Variants in SIDT1 observed in about 807,000 individuals in gnomAD.
SIDT1 encodes SID1 transmembrane family, member 1.
A neutral mutation model predicts 107.5 loss-of-function variants in SIDT1; 101 were observed. The observed-to-expected ratio is 0.94, with a 90% confidence interval of 0.80 to 1.11. The LOEUF is 1.11. SIDT1 is among the 50% of genes least tolerant of loss of function. The pLI is 0.00. For synonymous variants in SIDT1, 395 were observed against 398.2 expected (o/e 0.99, Z 0.10); for missense variants, 1,076 against 1,058.2 (o/e 1.02, Z -0.23).
At chr3:113,584,474 G>A (rs1943591295) in intron 7 of SIDT1, among the ~76,000 whole-genome samples, 2 of 152,192 alleles carry the variant, frequency 1.3e-5, no homozygotes. Flanking sequence ...ATGCACACAA[G>A]CAAAGGCCAA....
At chr3:113,597,267 C>G (rs910861049) in intron 10 of SIDT1, among the ~76,000 whole-genome samples, 2 of 151,978 alleles carry the variant, frequency 1.3e-5, no homozygotes, top group East Asian at 1.9e-4. Flanking sequence ...GAGGCCGAGG[C>G]GGGTGGATTG....
rs1937635474 is a variant in SIDT1 at position 113,533,037 on chromosome 3, C to T, written c.16C>T (p.Arg6Trp). 7.3e-7 allele frequency: 1 copy of T among 1,378,416 alleles called. No individual in the cohort carries two copies. The highest frequency in any genetic ancestry group is 9.4e-7 in the Non-Finnish European group (1 of 1,069,470). 85.4% of individuals were successfully genotyped at this position (1,378,416 alleles called of 1,614,324 possible). A position where few individuals can be genotyped will look rare whatever the true frequency, so the allele number is the denominator to read the frequency against. The change falls in exon 1 of 25, where the codon CGG (arginine) becomes TGG (tryptophan). Residue 6 changes from arginine to tryptophan, a missense_variant. Coordinates refer to ENST00000264852, the MANE Select transcript of SIDT1 (RefSeq NM_017699.3). ...GGTGCCCACCATGCGCGGCTGCCTG[C>T]GGCTCGCGCTGCTCTGCGCGCTGCC... Reference protein sequence around the residue: MRGCLRLALLCALPWL... With the variant: MRGCLWLALLCALPWL...
Position 113,532,973 on chromosome 3 carries a change from C to A in SIDT1, c.-49C>A. 8.1e-7 allele frequency: 1 copy of A among 1,240,922 alleles called. No homozygotes were observed. The highest frequency in any genetic ancestry group is 1.0e-6 in the Non-Finnish European group (1 of 968,206). The allele number at this position is 1,240,922 out of a possible 1,614,324, so 76.9% of individuals were successfully genotyped here. ...TTTGGAAGGACCCTCTCTGCGCTCG[C>A]CCCCTCCCCAGGGTGGCTCCGCTTT... On this transcript the variant is annotated 5_prime_UTR_variant, in exon 1 of 25. Transcript: ENST00000264852.
At chr3:113,576,811 C>G (rs1401251369) in intron 3 of SIDT1, 111 bp from the exon 4 acceptor site, 6 of 1,128,794 alleles carry the variant, frequency 5.3e-6, no homozygotes, top group Non-Finnish European at 8.0e-6. Context: ...GGGTGAAGCT[C>G]TCCTTGAGTC....
intron 3 of SIDT1, among the ~76,000 whole-genome samples, chr3:113,575,472 G>A (rs1164058716): frequency 1.3e-5 from 2 of 152,222 alleles, no homozygotes; most frequent in Non-Finnish European, 2.9e-5. Flanking sequence ...GGACTCTCTG[G>A]AGCAGAAACA....
intron 20 of SIDT1, 46 bp downstream of exon 20, chr3:113,616,222 G>A (rs778630919): frequency 3.3e-5 from 47 of 1,426,524 alleles, no homozygotes; most frequent in Non-Finnish European, 3.8e-5. Flanking sequence ...CAGAAAGCAG[G>A]GGAATAGTAG....
rs1576922920 is a variant in SIDT1 at position 113,603,145 on chromosome 3, A to G, written c.1258A>G (p.Thr420Ala). The change falls in exon 12 of 25, where the codon ACC becomes GCC. Residue 420 changes from threonine to alanine, a missense_variant. Physicochemically the swap from Thr to Ala is moderately conservative, Grantham distance 58. Coordinates refer to ENST00000264852, the MANE Select transcript of SIDT1 (RefSeq NM_017699.3). Reference sequence around the variant, plus strand: ...TGAGAGTGATAAAAACATCATCCGGACCAAGGTACCCACTCTGCCTCGCCG... The same window carrying G: ...TGAGAGTGATAAAAACATCATCCGGGCCAAGGTACCCACTCTGCCTCGCCG... ...DIESDKNIIR[T>A]KMFLYLSDLS... 1 of 1,613,414 alleles carries G rather than the reference A, an allele frequency of 6.2e-7. No individual in the cohort carries two copies. The highest frequency in any genetic ancestry group is 1.3e-5 in the African/African-American group (1 of 74,884).
chr3:113,583,518 T>G, intron 7 of SIDT1, 22 bp downstream of exon 7: 1 of 1,528,508 alleles, frequency 6.5e-7, no homozygotes, highest in Non-Finnish European at 9.0e-7. Flanking sequence ...TGAGGAACAC[T>G]TGGCTGCTTA....
At chr3:113,558,219 C>G (rs1353189530) in intron 1 of SIDT1, among the ~76,000 whole-genome samples, 1 of 152,192 alleles carries the variant, frequency 6.6e-6, no homozygotes, top group Non-Finnish European at 1.5e-5. Flanking sequence ...CAAAGGCCAG[C>G]ACATCATGGC....
chr3:113,567,318 G>A (rs1348914815), intron 2 of SIDT1, among the ~76,000 whole-genome samples: 1 of 152,180 alleles, frequency 6.6e-6, no homozygotes, highest in Non-Finnish European at 1.5e-5. Flanking sequence ...GAACTAGTCA[G>A]CACAGAACAG....
rs1943323767 is a variant in SIDT1 at position 113,581,360 on chromosome 3, G to A, written c.664-1G>A. Reference sequence around the variant, plus strand: ...CATTTTATTCCTCATGCATGCTGCAGTGCCCGGTGTATGATCTCGACCACA... The same window carrying A: ...CATTTTATTCCTCATGCATGCTGCAATGCCCGGTGTATGATCTCGACCACA... On this transcript the variant is annotated splice_acceptor_variant, in intron 5 of 24. Coordinates refer to ENST00000264852, the MANE Select transcript of SIDT1 (RefSeq NM_017699.3). LOFTEE classifies it high-confidence loss of function. 1 of 1,613,172 alleles carries A rather than the reference G, an allele frequency of 6.2e-7. No individual in the cohort carries two copies. Among genetic ancestry groups the A allele is most frequent in the Non-Finnish European group, 8.5e-7 (1 of 1,179,170 alleles).
chr3:113,611,488 C>G lies in SIDT1; in HGVS notation c.1857+344C>G, dbSNP rs561230715. Reference sequence around the variant, plus strand: ...CTGGGACTACAGGCGCCCACCACCACGCCTGGCTAATTTTTGTAGAGACAG... The same window carrying G: ...CTGGGACTACAGGCGCCCACCACCAGGCCTGGCTAATTTTTGTAGAGACAG... On this transcript the variant is annotated intron_variant, in intron 18 of 24. Transcript: ENST00000264852. Among the ~76,000 whole-genome samples, 98 of 152,292 alleles carry G rather than the reference C, an allele frequency of 6.4e-4. 2 individuals carry two copies. The highest frequency in any genetic ancestry group is 7.4e-5 in the Non-Finnish European group (5 of 68,026).
Position 113,565,605 on chromosome 3 carries a change from A to ATTTT in SIDT1, c.223-815_223-814insTTTT, listed in dbSNP as rs1941828322. Among the ~76,000 whole-genome samples, 4 of 152,258 alleles carry ATTTT rather than the reference A, an allele frequency of 2.6e-5. No individual in the cohort carries two copies. In the East Asian group the frequency reaches 7.7e-4, roughly 29 times the overall value. On this transcript the variant is annotated intron_variant, in intron 1 of 24. Coordinates refer to ENST00000264852, the MANE Select transcript of SIDT1 (RefSeq NM_017699.3). ...AAGTTACATTCACTTTCCTGTCTTT[A>ATTTT]AAATAACCATAATAGGGTTAAATTA...
intron 19 of SIDT1, among the ~76,000 whole-genome samples, chr3:113,614,085 C>A (rs948928909): frequency 1.3e-5 from 2 of 152,114 alleles, no homozygotes; most frequent in African/African-American, 4.8e-5. Flanking sequence ...ACATGGTTCC[C>A]AAAATCTAGA....
Position 113,603,419 on chromosome 3 carries a change from A to C in SIDT1, c.1263+269A>C, listed in dbSNP as rs191862245. ...AGTGAATGACTGTAGGCAATAAAGA[A>C]GGAAGGGATCCAACCAGATTAAAGA... On this transcript the variant is annotated intron_variant, in intron 12 of 24. Coordinates refer to ENST00000264852, the MANE Select transcript of SIDT1 (RefSeq NM_017699.3). Among the ~76,000 whole-genome samples the C allele has an allele frequency of 4.6e-5, 7 of 152,340 alleles. No homozygotes were observed. The East Asian group carries it at 1.3e-3, about 29-fold the overall frequency.
intron 1 of SIDT1, among the ~76,000 whole-genome samples, chr3:113,535,739 T>G (rs1938077523): frequency 6.6e-6 from 1 of 152,208 alleles, no homozygotes; most frequent in Admixed American, 6.5e-5. Flanking sequence ...CCAAATGTCC[T>G]CAAATCTTAC....
intron 4 of SIDT1, 126 bp from the exon 5 acceptor site, chr3:113,580,482 G>T: frequency 1.5e-6 from 1 of 657,170 alleles, no homozygotes; most frequent in Non-Finnish European, 2.7e-6. Context: ...TGTATGAGAT[G>T]AAGAGCTGAC....
chr3:113,537,707 T>C (rs1452332556), intron 1 of SIDT1, among the ~76,000 whole-genome samples: 1 of 152,258 alleles, frequency 6.6e-6, no homozygotes, highest in Non-Finnish European at 1.5e-5. Flanking sequence ...TCCTGGTTTG[T>C]AGACAAGCTC....
intron 9 of SIDT1, among the ~76,000 whole-genome samples, chr3:113,591,407 C>T (rs1232654915): frequency 6.6e-6 from 1 of 151,936 alleles, no homozygotes; most frequent in Non-Finnish European, 1.5e-5. Context: ...AAAGTCCCAG[C>T]TGGCTTTTTT....
Sources: gnomAD v4.1 joint callset for allele counts (sites outside exome capture counted in the v4.1 genomes callset) on GRCh38, gnomAD v4.1.1 for gene constraint, MANE v1.5 for transcripts, NCBI Gene and HGNC (gene_info 2026-07-23, HGNC 2026-07-21) for gene names.